Variants in PRKCH observed in about 807,000 individuals in gnomAD.
PRKCH encodes the protein protein kinase C eta.
In PRKCH, 28 loss-of-function variants were observed where a neutral mutation model predicts 82.5. The ratio of observed to expected loss-of-function variants is 0.34; its 90% confidence interval spans 0.25 to 0.47. PRKCH has a LOEUF of 0.47. Among genes scored for constraint, PRKCH ranks in the 20% least tolerant of loss-of-function variants. PRKCH has a pLI of 1.00. For missense variants in PRKCH, 705 were observed against 881.8 expected, an observed-to-expected ratio of 0.80 and a Z score of 2.54; for synonymous variants, 322 against 327.4, an observed-to-expected ratio of 0.98 and a Z score of 0.18.
At chr14:61,228,234 A>G (rs1206529429) in intron 1 of PRKCH, among the ~76,000 whole-genome samples, 2 of 152,248 alleles carry the variant, frequency 1.3e-5, no homozygotes, top group African/African-American at 4.8e-5. Flanking sequence ...GCTTGAGTCC[A>G]GTCATTTTTA....
At chr14:61,396,873 C>G (rs911770736) in intron 2 of PRKCH, among the ~76,000 whole-genome samples, 2 of 152,048 alleles carry the variant, frequency 1.3e-5, no homozygotes, top group African/African-American at 4.8e-5. Context: ...GTTGGTTACA[C>G]CAGAATAATT....
At chr14:61,442,841 G>T (rs917478333) in intron 2 of PRKCH, 10 of 270,448 alleles carry the variant, frequency 3.7e-5, no homozygotes, top group Non-Finnish European at 5.6e-5. Context: ...GGGTTGCTGA[G>T]GTAGGAGCAT....
intron 1 of PRKCH, among the ~76,000 whole-genome samples, chr14:61,228,778 T>C (rs2140057731): frequency 6.6e-6 from 1 of 152,284 alleles, no homozygotes; most frequent in South Asian, 2.1e-4. Flanking sequence ...CCGTGGCTCA[T>C]GCCGCTAATC....
At chr14:61,363,252 G>T (rs1014967198) in intron 1 of PRKCH, among the ~76,000 whole-genome samples, 2 of 152,290 alleles carry the variant, frequency 1.3e-5, no homozygotes, top group Middle Eastern at 3.4e-3. Flanking sequence ...AGCTGATGGG[G>T]AACTGTTGAA....
intron 10 of PRKCH, among the ~76,000 whole-genome samples, chr14:61,498,476 A>G (rs981011848): frequency 9.9e-5 from 15 of 152,264 alleles, no homozygotes; most frequent in African/African-American, 3.6e-4. Flanking sequence ...TCACAAAGCC[A>G]TTGTCTTAGT....
intron 7 of PRKCH, among the ~76,000 whole-genome samples, chr14:61,456,126 C>T (rs1884755844): frequency 6.6e-6 from 1 of 152,192 alleles, no homozygotes; most frequent in Non-Finnish European, 1.5e-5. Flanking sequence ...AATCTAAGTG[C>T]TTTACATGCA....
At chr14:61,534,471 G>A (rs1057115449) in intron 12 of PRKCH, among the ~76,000 whole-genome samples, 1 of 152,166 alleles carries the variant, frequency 6.6e-6, no homozygotes, top group Non-Finnish European at 1.5e-5. Context: ...CTAAGATCAG[G>A]CTTTCTGGGA....
intron 9 of PRKCH, among the ~76,000 whole-genome samples, chr14:61,481,008 A>G (rs1482799509): frequency 1.3e-5 from 2 of 151,344 alleles, no homozygotes; most frequent in African/African-American, 4.9e-5. Flanking sequence ...CCCAAACCCC[A>G]CCTGCCAAAT....
intron 1 of PRKCH, among the ~76,000 whole-genome samples, chr14:61,242,953 T>C (rs1437537602): frequency 6.6e-6 from 1 of 152,178 alleles, no homozygotes; most frequent in Non-Finnish European, 1.5e-5. Flanking sequence ...TCCTGGTGTT[T>C]ATGGTCTAGA....
intron 1 of PRKCH, among the ~76,000 whole-genome samples, chr14:61,349,946 G>A (rs2046049144): frequency 6.6e-6 from 1 of 152,144 alleles, no homozygotes; most frequent in African/African-American, 2.4e-5. Flanking sequence ...GCTGTATTTA[G>A]CAAGCACTCA....
At chr14:61,340,686 C>G (rs2045921052) in intron 1 of PRKCH, among the ~76,000 whole-genome samples, 1 of 152,186 alleles carries the variant, frequency 6.6e-6, no homozygotes, top group Middle Eastern at 3.2e-3. Flanking sequence ...GATATCAGGT[C>G]CAGGGTCCCA....
intron 1 of PRKCH, among the ~76,000 whole-genome samples, chr14:61,245,016 G>T (rs766420871): frequency 1.3e-5 from 2 of 152,146 alleles, no homozygotes; most frequent in African/African-American, 4.8e-5. Context: ...ACAGCGTGTG[G>T]CTGTTTCTTA....
intron 1 of PRKCH, among the ~76,000 whole-genome samples, chr14:61,357,057 A>C (rs2046159506): frequency 6.6e-6 from 1 of 152,202 alleles, no homozygotes; most frequent in African/African-American, 2.4e-5. Context: ...ACCAGTGGTG[A>C]GTTCACTTTC....
intron 1 of PRKCH, among the ~76,000 whole-genome samples, chr14:61,327,990 C>T (rs1428123035): frequency 1.3e-5 from 2 of 151,568 alleles, no homozygotes; most frequent in African/African-American, 4.8e-5. Context: ...GTGGCTCACG[C>T]CTGTAATCCC....
chr14:61,354,105 TG>T (rs1344291659), intron 1 of PRKCH: 2 of 152,214 alleles, frequency 1.3e-5, no homozygotes, highest in Non-Finnish European at 2.9e-5. Flanking sequence ...TTGGTCTTAA[TG>T]GGCTTTGTCT....
intron 9 of PRKCH, among the ~76,000 whole-genome samples, chr14:61,473,100 G>T (rs1249456495): frequency 1.3e-5 from 2 of 152,158 alleles, no homozygotes; most frequent in Non-Finnish European, 2.9e-5. Context: ...CAAGAGGAGG[G>T]CATAGACTCC....
intron 1 of PRKCH, among the ~76,000 whole-genome samples, chr14:61,288,603 A>G (rs529489244): frequency 6.6e-6 from 1 of 152,272 alleles, no homozygotes; most frequent in South Asian, 2.1e-4. Context: ...GGCTGTGTTT[A>G]AATTTTTAGT....
At chr14:61,503,004 T>C (rs1886987612) in intron 10 of PRKCH, among the ~76,000 whole-genome samples, 1 of 98,700 alleles carries the variant, frequency 1.0e-5, no homozygotes, top group African/African-American at 6.8e-5. Context: ...AAGCAGGCTT[T>C]TTTTTTTTTT....
chr14:61,250,199 C>T (rs1406400402), intron 1 of PRKCH, among the ~76,000 whole-genome samples: 3 of 150,154 alleles, frequency 2.0e-5, no homozygotes, highest in Non-Finnish European at 4.4e-5. Flanking sequence ...TGCAGTGAGC[C>T]GAACTCCAGC....
Sources: gnomAD v4.1 joint callset for allele counts (sites outside exome capture counted in the v4.1 genomes callset) on GRCh38, gnomAD v4.1.1 for gene constraint, MANE v1.5 for transcripts, NCBI Gene and HGNC (gene_info 2026-07-23, HGNC 2026-07-21) for gene names.